Variants in GSG1L observed in about 807,000 individuals in gnomAD.
GSG1L encodes the protein germ cell-specific gene 1-like protein.
In GSG1L, 24 loss-of-function variants were observed where a neutral mutation model predicts 42.1. That is an observed-to-expected ratio of 0.57 (90% CI 0.41 to 0.80). The LOEUF (loss-of-function observed/expected upper bound fraction) is 0.80, where lower values mean the gene tolerates loss of function less well. Ranked by LOEUF, GSG1L falls within the 30% of genes least tolerant of loss-of-function variation. GSG1L has a pLI of 0.00. For missense variants in GSG1L, 445 were observed against 472.2 expected (o/e 0.94, Z 0.53); for synonymous variants, 215 against 203.5 (o/e 1.06, Z -0.48).
At chr16:27,928,329 C>A (rs1436046980) in intron 2 of GSG1L, among the ~76,000 whole-genome samples, 2 of 152,110 alleles carry the variant, frequency 1.3e-5, no homozygotes, top group African/African-American at 4.8e-5. Context: ...CCTTGCAGAA[C>A]TTTCTCCCTA....
rs952153727 is a variant in GSG1L, at chr16:28,059,996, G to A, written c.349+3080C>T. 1.3e-5 allele frequency among the ~76,000 whole-genome samples: 2 copies of A among 152,148 alleles called. No homozygotes were observed. The highest frequency in any genetic ancestry group is 4.8e-5 in the African/African-American group (2 of 41,424). On this transcript the variant is annotated intron_variant, in intron 1 of 6. Transcript: ENST00000447459. The surrounding 1 kb of genome is among the most constrained non-coding windows in gnomAD (Gnocchi z 4.4). ...TTTCTGAGCCTAGAAAGGAATGGCCGAACAGGCAAACAGGCGTTGGAGAGG... is the reference window on the plus strand; with the variant it reads ...TTTCTGAGCCTAGAAAGGAATGGCCAAACAGGCAAACAGGCGTTGGAGAGG...
At chr16:27,878,416 T>C (rs964933494) in intron 3 of GSG1L, among the ~76,000 whole-genome samples, 1 of 152,140 alleles carries the variant, frequency 6.6e-6, no homozygotes, top group African/African-American at 2.4e-5. Context: ...ATCAGAACTC[T>C]TGAGAACTCA....
At chr16:27,861,108 T>C (rs2083644345) in intron 3 of GSG1L, among the ~76,000 whole-genome samples, 1 of 152,084 alleles carries the variant, frequency 6.6e-6, no homozygotes, top group South Asian at 2.1e-4. Flanking sequence ...TGGTTCATGC[T>C]TGTAATCCCA....
At chr16:27,988,764 AAAG>A (rs2085417502) in intron 1 of GSG1L, among the ~76,000 whole-genome samples, 1 of 151,350 alleles carries the variant, frequency 6.6e-6, no homozygotes, top group Non-Finnish European at 1.5e-5. Context: ...AAAAAAAAAA[AAAG>A]GAGAGGGCTG....
intron 1 of GSG1L, among the ~76,000 whole-genome samples, chr16:27,996,104 G>GCC (rs1054893809): frequency 2.8e-4 from 42 of 151,970 alleles, no homozygotes; most frequent in African/African-American, 9.4e-4. Context: ...CCTAAACAGC[G>GCC]CCCTCTCTCT....
At chr16:28,004,466 T>G (rs1326454143) in intron 1 of GSG1L, among the ~76,000 whole-genome samples, 225 of 104,154 alleles carry the variant, frequency 2.2e-3, no homozygotes, top group East Asian at 3.3e-3. Flanking sequence ...AAGGGGAGAG[T>G]GAGTGAGGAA....
intron 3 of GSG1L, among the ~76,000 whole-genome samples, chr16:27,862,930 T>G (rs995076259): frequency 2.0e-5 from 3 of 146,784 alleles, no homozygotes; most frequent in South Asian, 2.2e-4. Context: ...TTCTCTAGGG[T>G]TTTTTTTTTA....
intron 3 of GSG1L, among the ~76,000 whole-genome samples, chr16:27,849,203 GAAAAAAAAAA>G (rs1203275567): frequency 3.8e-5 from 3 of 79,926 alleles, no homozygotes; most frequent in Non-Finnish European, 7.3e-5. Flanking sequence ...ATCCCAAAAA[GAAAAAAAAAA>G]AAAAAAAAAA....
At position 27,833,652 on chromosome 16, in the gene GSG1L, G is replaced by A. The variant is rs376453533; in HGVS notation, c.663-4696C>T. Among the ~76,000 whole-genome samples the A allele has an allele frequency of 8.4e-4, 128 of 152,060 alleles. 1 individual carries two copies. In the South Asian group the frequency reaches 0.011, roughly 14 times the overall value. On this transcript the variant is annotated intron_variant, in intron 4 of 6. Transcript: ENST00000447459. Reference sequence around the variant, plus strand: ...TATTCTGTGGTTTACAGTTTTCAGCGTACAAGTCCTGTAAGTGTTTTGTTA... The same window carrying A: ...TATTCTGTGGTTTACAGTTTTCAGCATACAAGTCCTGTAAGTGTTTTGTTA...
At chr16:27,935,353 G>A (rs1442907695) in intron 2 of GSG1L, among the ~76,000 whole-genome samples, 1 of 152,176 alleles carries the variant, frequency 6.6e-6, no homozygotes, top group Non-Finnish European at 1.5e-5. Flanking sequence ...CAACAATGAG[G>A]GCTCTGCTTG....
At chr16:27,926,435 G>A (rs565042687) in intron 2 of GSG1L, among the ~76,000 whole-genome samples, 3 of 152,076 alleles carry the variant, frequency 2.0e-5, no homozygotes, top group South Asian at 2.1e-4. Context: ...CTGGGAGGCC[G>A]GTGCTGGTGG....
At chr16:27,954,597 T>A (rs1175514141) in intron 2 of GSG1L, among the ~76,000 whole-genome samples, 2 of 152,092 alleles carry the variant, frequency 1.3e-5, no homozygotes, top group South Asian at 2.1e-4. Flanking sequence ...AACTGATCAG[T>A]GCAAGAGAAA....
chr16:27,822,829 G>A (rs1415356008), intron 5 of GSG1L, among the ~76,000 whole-genome samples: 3 of 152,138 alleles, frequency 2.0e-5, no homozygotes, highest in South Asian at 2.1e-4. Context: ...AGTGTGCACC[G>A]AAATGGGCCA....
At chr16:27,905,185 G>A (rs973579419) in intron 2 of GSG1L, among the ~76,000 whole-genome samples, 3 of 152,152 alleles carry the variant, frequency 2.0e-5, no homozygotes, top group Non-Finnish European at 2.9e-5. Flanking sequence ...TTTGAAGAAG[G>A]TCACACGGCT....
intron 5 of GSG1L, among the ~76,000 whole-genome samples, chr16:27,825,117 G>C (rs1016277411): frequency 1.3e-5 from 2 of 152,204 alleles, no homozygotes; most frequent in Non-Finnish European, 2.9e-5. Context: ...GGAAGTGCTG[G>C]GGCACTGAAT....
chr16:27,891,884 CTTT>C (rs60746199), intron 2 of GSG1L, among the ~76,000 whole-genome samples: 10 of 74,342 alleles, frequency 1.3e-4, no homozygotes, highest in South Asian at 7.7e-4. Context: ...AGTGACAGAT[CTTT>C]TTTTTTTTTT....
chr16:28,009,790 T>C (rs2085691858), intron 1 of GSG1L, among the ~76,000 whole-genome samples: 1 of 152,202 alleles, frequency 6.6e-6, no homozygotes, highest in South Asian at 2.1e-4. Context: ...GAGTCTCAGT[T>C]TCCTCATCTG....
intron 1 of GSG1L, among the ~76,000 whole-genome samples, chr16:28,032,708 C>T (rs1018474316): frequency 1.1e-4 from 16 of 152,180 alleles, no homozygotes; most frequent in Non-Finnish European, 1.8e-4. Flanking sequence ...ATGGGCACAA[C>T]CATCTCTTCA....
chr16:28,033,813 G>T (rs1292736299), intron 1 of GSG1L, among the ~76,000 whole-genome samples: 2 of 152,154 alleles, frequency 1.3e-5, no homozygotes, highest in Admixed American at 6.5e-5. Flanking sequence ...GAAATTCAGA[G>T]AAATGTTTAT....
Sources: gnomAD v4.1 joint callset for allele counts (sites outside exome capture counted in the v4.1 genomes callset) on GRCh38, gnomAD v4.1.1 for gene constraint, Gnocchi (gnomAD v3.1) non-coding constraint, MANE v1.5 for transcripts, NCBI Gene and HGNC (gene_info 2026-07-23, HGNC 2026-07-21) for gene names.